The following ADAMTSL3 variants were observed in gnomAD, a reference collection of about 807,000 sequenced individuals.
ADAMTSL3 encodes ADAMTS like 3, also known as ADAMTS-like protein 3.
ADAMTSL3 carries 128 observed loss-of-function variants against 201.7 expected under a neutral mutation model. The ratio of observed to expected loss-of-function variants is 0.63; its 90% CI spans 0.55 to 0.73. The LOEUF (loss-of-function observed/expected upper bound fraction) is 0.73. Among genes scored for constraint, ADAMTSL3 ranks in the 30% least tolerant of loss-of-function variants. The probability of loss-of-function intolerance (pLI) is 0.00; values close to 1 mark genes in which losing one functional copy is unlikely to be tolerated. For synonymous variants in ADAMTSL3, 738 were observed against 748.4 expected (o/e 0.99, Z 0.23); for missense variants, 1,990 against 2,119.6 (o/e 0.94, Z 1.20).
At chr15:83,924,164 C>G in intron 17 of ADAMTSL3, 131 bp downstream of exon 17, 1 of 1,240,290 alleles carries the variant, frequency 8.1e-7, no homozygotes, top group East Asian at 2.6e-5. Context: ...TCAGAGCTCT[C>G]TTTGCTCAAG....
In ADAMTSL3 at chr15:83,982,815, T is replaced by A. The variant is rs1384622021; in HGVS notation, c.3187T>A (p.Cys1063Ser). 2 of 1,614,034 alleles carry A rather than the reference T, an allele frequency of 1.2e-6. No individual in the cohort carries two copies. The highest frequency in any genetic ancestry group is 1.3e-5 in the African/African-American group (1 of 74,936). The change falls in exon 21 of 30, where the codon TGC becomes AGC. Residue 1063 changes from cysteine (C) to serine (S), a missense_variant. By Grantham distance (112) the Cys-to-Ser change is moderately radical. Transcript: ENST00000286744. ...TTTCTTGAGAGCTCTGTTAGGCCAC[T>A]GCAGCAATTCTGCAGGAAGCACCAA... is the stretch of plus-strand genomic sequence containing the variant. ...QPFLRALLGH[C>S]SNSAGSTNSW...
chr15:84,008,875 T>C (rs1317577478), intron 23 of ADAMTSL3, among the ~76,000 whole-genome samples: 1 of 152,188 alleles, frequency 6.6e-6, no homozygotes, highest in African/African-American at 2.4e-5. Flanking sequence ...AAGGCAGTTA[T>C]TTAATTTGCT....
intron 8 of ADAMTSL3, among the ~76,000 whole-genome samples, chr15:83,868,489 C>A (rs12901281): frequency 0.14 from 21,059 of 152,168 alleles, 1,887 homozygotes; most frequent in Middle Eastern, 0.33. Flanking sequence ...GTGGATTGGG[C>A]ACAGTGGCTT....
chr15:83,804,092 G>A (rs553780483), intron 4 of ADAMTSL3, among the ~76,000 whole-genome samples: 176 of 152,110 alleles, frequency 1.2e-3, no homozygotes, highest in Non-Finnish European at 2.0e-3. Flanking sequence ...GCAGTGAGCC[G>A]AGATCAAGCC....
chr15:83,970,549 A>G lies in ADAMTSL3; in HGVS notation c.2556A>G (p.Lys852=), dbSNP rs763781147. Residue 852 remains lysine (K), a synonymous_variant, in exon 20 of 30, where the codon AAA becomes AAG. Transcript: ENST00000286744. The part of the protein sequence containing the change: ...RKQVCQRLAA[K]GRRIPLSEMM... ...AGGTGTGTCAAAGGCTGGCAGCCAA[A>G]GGTCGGCGCATCCCCCTCAGTGAGA... 6.8e-6 allele frequency: 11 copies of G among 1,614,124 alleles called. No individual in the cohort carries two copies. Among genetic ancestry groups the G allele is most frequent in the Admixed American group, 1.7e-5 (1 of 60,008 alleles).
chr15:84,009,928 G>T (rs1477044996), intron 23 of ADAMTSL3, among the ~76,000 whole-genome samples: 1 of 152,216 alleles, frequency 6.6e-6, no homozygotes, highest in African/African-American at 2.4e-5. Context: ...TTCTTACCGT[G>T]GAGGAATAAT....
rs2067039221 is a variant in ADAMTSL3 at position 83,964,500 on chromosome 15, G to C, written c.2491-5984G>C. On this transcript the variant is annotated intron_variant, in intron 19 of 29. Transcript: ENST00000286744. The stretch of plus-strand genomic sequence containing the variant: ...AAAAGAATGAAAAGGAAAAAACAAA[G>C]CCTCCAAGAAATATGGGACTATGTG... Among the ~76,000 whole-genome samples the C allele has an allele frequency of 2.0e-5, 3 of 152,038 alleles. No individual in the cohort carries two copies. The South Asian group carries it at 6.2e-4, about 32-fold the overall frequency.
At chr15:83,915,497 C>CT (rs1347130621) in intron 16 of ADAMTSL3, among the ~76,000 whole-genome samples, 6 of 89,486 alleles carry the variant, frequency 6.7e-5, no homozygotes, top group African/African-American at 3.8e-4. Context: ...ATAAATTCCT[C>CT]TTTTGTTTTT....
intron 3 of ADAMTSL3, among the ~76,000 whole-genome samples, chr15:83,761,519 C>A (rs2062808458): frequency 6.6e-6 from 1 of 152,118 alleles, no homozygotes; most frequent in South Asian, 2.1e-4. Flanking sequence ...CTTTCTTTTA[C>A]TTTAATTTCC....
At chr15:84,009,962 T>TGTTTA (rs1294200676) in intron 23 of ADAMTSL3, among the ~76,000 whole-genome samples, 13 of 152,216 alleles carry the variant, frequency 8.5e-5, no homozygotes, top group African/African-American at 2.9e-4. Context: ...TATCTGAGAT[T>TGTTTA]GTTTAGGGTC....
intron 28 of ADAMTSL3, among the ~76,000 whole-genome samples, chr15:84,035,285 G>A (rs1466508997): frequency 1.3e-5 from 2 of 152,064 alleles, no homozygotes; most frequent in South Asian, 2.1e-4. Flanking sequence ...AAAGGGTGAG[G>A]GATTTATTAA....
chr15:83,741,256 T>C (rs1408875223), intron 3 of ADAMTSL3, among the ~76,000 whole-genome samples: 2 of 151,286 alleles, frequency 1.3e-5, no homozygotes, highest in Non-Finnish European at 2.9e-5. Context: ...TATTAATAGA[T>C]GGAATCCCAC....
intron 6 of ADAMTSL3, among the ~76,000 whole-genome samples, chr15:83,821,854 G>A (rs1277293593): frequency 3.5e-5 from 5 of 143,910 alleles, no homozygotes; most frequent in Non-Finnish European, 1.5e-5. Context: ...CGGACGGGGC[G>A]GCTGGCCGGG....
intron 17 of ADAMTSL3, 36 bp downstream of exon 17, chr15:83,924,069 T>C: frequency 6.2e-7 from 1 of 1,610,336 alleles, no homozygotes; most frequent in Non-Finnish European, 8.5e-7. Context: ...ATATACCGTG[T>C]CCGGGTGGTA....
intron 15 of ADAMTSL3, among the ~76,000 whole-genome samples, chr15:83,900,833 C>T (rs906638847): frequency 3.3e-5 from 5 of 152,202 alleles, no homozygotes; most frequent in African/African-American, 1.2e-4. Context: ...GACAAGTTTT[C>T]ACAAATATGA....
At chr15:83,878,470 C>T (rs1812707) in intron 9 of ADAMTSL3, among the ~76,000 whole-genome samples, 94,786 of 151,928 alleles carry the variant, frequency 0.62, 30,859 homozygotes, top group African/African-American at 0.8. Flanking sequence ...AAAAATTAGC[C>T]GGGTGTGGTG....
chr15:83,972,870 A>AT (rs2067220906), intron 20 of ADAMTSL3, among the ~76,000 whole-genome samples: 1 of 152,126 alleles, frequency 6.6e-6, no homozygotes, highest in Non-Finnish European at 1.5e-5. Context: ...ACTTTCACAT[A>AT]GCATCCTCTT....
chr15:83,738,408 CT>C (rs2062402204), intron 3 of ADAMTSL3, among the ~76,000 whole-genome samples: 2 of 152,200 alleles, frequency 1.3e-5, no homozygotes, highest in African/African-American at 4.8e-5. Flanking sequence ...GTCACTTACA[CT>C]TTTTAAATTA....
intron 9 of ADAMTSL3, among the ~76,000 whole-genome samples, chr15:83,880,154 C>T (rs2065243934): frequency 6.6e-6 from 1 of 152,050 alleles, no homozygotes; most frequent in Non-Finnish European, 1.5e-5. Context: ...TCTCATGAAT[C>T]TGTGGCTTGA....
Sources: allele counts gnomAD v4.1 joint callset (sites outside exome capture counted in the v4.1 genomes callset), GRCh38; gene constraint gnomAD v4.1.1; transcripts MANE v1.5; gene names NCBI Gene and HGNC (gene_info 2026-07-23, HGNC 2026-07-21).